Variants in IMPG1 observed in about 807,000 individuals in gnomAD.
The protein encoded by IMPG1 is interphotoreceptor matrix proteoglycan of 150 kDa.
In IMPG1, 85 loss-of-function variants were observed where a neutral mutation model predicts 92.0. That is an observed-to-expected ratio of 0.92 (90% CI 0.78 to 1.11). The LOEUF is 1.11. Among genes scored for constraint, IMPG1 ranks in the 50% least tolerant of loss-of-function variants. The pLI, the probability that IMPG1 is intolerant of heterozygous loss-of-function variation, is 0.00. For synonymous variants in IMPG1, 367 were observed against 334.1 expected, an observed-to-expected ratio of 1.10 and a Z score of -1.08; for missense variants, 1,022 against 956.0, an observed-to-expected ratio of 1.07 and a Z score of -0.91.
At chr6:76,061,950 C>T (rs188371260) in intron 1 of IMPG1, among the ~76,000 whole-genome samples, 1 of 152,184 alleles carries the variant, frequency 6.6e-6, no homozygotes, top group Non-Finnish European at 1.5e-5. Flanking sequence ...AAAGCTATCT[C>T]ACCTTTATGT....
intron 10 of IMPG1, 122 bp from the exon 11 acceptor site, chr6:76,004,072 T>C: frequency 1.5e-6 from 1 of 666,460 alleles, no homozygotes; most frequent in Non-Finnish European, 2.5e-6. Context: ...GTACAACAAA[T>C]CATTAGGAAA....
intron 7 of IMPG1, 28 bp from the exon 8 acceptor site, chr6:76,011,252 A>G (rs1283238947): frequency 6.3e-6 from 8 of 1,275,912 alleles, no homozygotes; most frequent in Non-Finnish European, 9.1e-6. Context: ...TTTGTAAAAT[A>G]CTCTTTGGTT....
chr6:76,052,755 G>A (rs1784064304), intron 1 of IMPG1, among the ~76,000 whole-genome samples: 1 of 152,102 alleles, frequency 6.6e-6, no homozygotes, highest in Non-Finnish European at 1.5e-5. Flanking sequence ...AAATATGAGA[G>A]TAGGATATTT....
chr6:76,040,035 A>C (rs1252129101), intron 2 of IMPG1, among the ~76,000 whole-genome samples: 1 of 152,228 alleles, frequency 6.6e-6, no homozygotes, highest in Non-Finnish European at 1.5e-5. Context: ...GTCAGAGGAA[A>C]ACCGCTTTGT....
intron 5 of IMPG1, among the ~76,000 whole-genome samples, chr6:76,022,502 CT>C (rs1783450424): frequency 6.6e-6 from 1 of 152,066 alleles, no homozygotes; most frequent in Non-Finnish European, 1.5e-5. Context: ...TTAATTTTTT[CT>C]TAATGACACT....
At chr6:76,013,936 T>C (rs1391252175) in intron 7 of IMPG1, among the ~76,000 whole-genome samples, 2 of 152,214 alleles carry the variant, frequency 1.3e-5, no homozygotes, top group Non-Finnish European at 2.9e-5. Flanking sequence ...TATATACATA[T>C]TTTTTGTGAC....
chr6:76,002,117 T>G (rs1783002280), intron 12 of IMPG1, among the ~76,000 whole-genome samples: 1 of 152,166 alleles, frequency 6.6e-6, no homozygotes, highest in Non-Finnish European at 1.5e-5. Context: ...ATAATCACAG[T>G]ACATTCTTAT....
At chr6:75,991,898 GT>G (rs1396211265) in intron 12 of IMPG1, among the ~76,000 whole-genome samples, 1 of 152,122 alleles carries the variant, frequency 6.6e-6, no homozygotes, top group Admixed American at 6.5e-5. Flanking sequence ...TTTTCCGACT[GT>G]GCTGAGCTCA....
intron 12 of IMPG1, among the ~76,000 whole-genome samples, chr6:75,995,458 C>T (rs775337156): frequency 6.6e-6 from 1 of 152,148 alleles, no homozygotes; most frequent in Non-Finnish European, 1.5e-5. Context: ...CTTCAATGTG[C>T]CACACCACTG....
At chr6:75,952,277 G>C (rs1240453062) in intron 12 of IMPG1, among the ~76,000 whole-genome samples, 2 of 152,136 alleles carry the variant, frequency 1.3e-5, no homozygotes, top group East Asian at 1.9e-4. Flanking sequence ...ATGCAGGAAA[G>C]CTCTGTTGAA....
intron 14 of IMPG1, among the ~76,000 whole-genome samples, chr6:75,933,654 A>ACTAT (rs1781697019): frequency 6.6e-6 from 1 of 152,186 alleles, no homozygotes; most frequent in Non-Finnish European, 1.5e-5. Context: ...CTAGTCTACT[A>ACTAT]GCATCCCAGT....
At chr6:75,956,038 C>T (rs1487415406) in intron 12 of IMPG1, among the ~76,000 whole-genome samples, 1 of 152,130 alleles carries the variant, frequency 6.6e-6, no homozygotes, top group Non-Finnish European at 1.5e-5. Context: ...CAATGTTCAT[C>T]AGGGATATTG....
At chr6:75,948,735 C>T (rs1175135658) in intron 13 of IMPG1, among the ~76,000 whole-genome samples, 2 of 152,164 alleles carry the variant, frequency 1.3e-5, no homozygotes, top group African/African-American at 2.4e-5. Context: ...TCCTATTTCT[C>T]ATAGAAAGAG....
chr6:75,989,996 C>T (rs572839517), intron 12 of IMPG1, among the ~76,000 whole-genome samples: 98 of 152,024 alleles, frequency 6.4e-4, no homozygotes, highest in Non-Finnish European at 1.2e-3. Context: ...ATGTTGTTAC[C>T]TTAAATATAT....
At chr6:75,962,603 C>G (rs57905785) in intron 12 of IMPG1, among the ~76,000 whole-genome samples, 2,394 of 152,214 alleles carry the variant, frequency 0.016, 67 homozygotes, top group African/African-American at 0.055. Flanking sequence ...GATAGCAAAA[C>G]AGGTAGCAAA....
intron 12 of IMPG1, among the ~76,000 whole-genome samples, chr6:75,987,753 T>A (rs1782742850): frequency 6.6e-6 from 1 of 151,704 alleles, no homozygotes; most frequent in African/African-American, 2.4e-5. Flanking sequence ...CACGCCATTC[T>A]CCTGCCTCAG....
At chr6:76,043,158 T>A (rs1050105317) in intron 1 of IMPG1, among the ~76,000 whole-genome samples, 2 of 151,986 alleles carry the variant, frequency 1.3e-5, no homozygotes, top group Non-Finnish European at 2.9e-5. Context: ...CAGATCTCAA[T>A]TCTTCCTCTT....
Position 76,005,323 on chromosome 6 carries a change from G to A in IMPG1, c.1099C>T (p.Gln367Ter), listed in dbSNP as rs1783075557. Residue 367 changes from glutamine to a stop codon, truncating the protein, a stop_gained, in exon 10 of 17, where the codon CAA becomes TAA. Coordinates refer to ENST00000369950, the MANE Select transcript of IMPG1 (RefSeq NM_001563.4). LOFTEE classifies it high-confidence loss of function. Reference protein sequence around the residue: ...RLISKALEEEQSLDVGTIQFT... With the variant: ...RLISKALEEE ...TGAATTGTCCCCACATCCAAAGATT[G>A]TTCTTCCTCTAGTGCTTTGCTGATC... 1.2e-6 allele frequency: 2 copies of A among 1,613,822 alleles called. No individual in the cohort carries two copies. Among genetic ancestry groups the A allele is most frequent in the African/African-American group, 1.3e-5 (1 of 74,910 alleles).
intron 1 of IMPG1, among the ~76,000 whole-genome samples, chr6:76,052,866 A>C (rs1784065620): frequency 6.6e-6 from 1 of 152,196 alleles, no homozygotes. Flanking sequence ...ACAGAATGTG[A>C]AACTGAGGTA....
Sources: gnomAD v4.1 joint callset for allele counts (sites outside exome capture counted in the v4.1 genomes callset) on GRCh38, gnomAD v4.1.1 for gene constraint, MANE v1.5 for transcripts, NCBI Gene and HGNC (gene_info 2026-07-23, HGNC 2026-07-21) for gene names.